The following KANK1 variants were observed in gnomAD, a reference collection of about 807,000 sequenced individuals.
KANK1 encodes KN motif and ankyrin repeat domain-containing protein 1.
Under a neutral mutation model 106.2 loss-of-function variants are expected in KANK1, and 109 were observed. The ratio of observed to expected loss-of-function variants is 1.03; its 90% CI spans 0.88 to 1.20. The LOEUF (loss-of-function observed/expected upper bound fraction) is 1.20, where lower values mean the gene tolerates loss of function less well. KANK1 is among the 50% of genes most tolerant of loss of function. The pLI, the probability that KANK1 is intolerant of heterozygous loss-of-function variation, is 0.00. For missense variants in KANK1, 2,399 were observed against 1,710.7 expected, an observed-to-expected ratio of 1.40 and a Z score of -7.10; for synonymous variants, 873 against 652.2, an observed-to-expected ratio of 1.34 and a Z score of -5.16.
intron 1 of KANK1, among the ~76,000 whole-genome samples, chr9:628,793 C>T (rs1194873115): frequency 1.3e-5 from 2 of 152,014 alleles, no homozygotes; most frequent in Admixed American, 1.3e-4. Flanking sequence ...AGTTTACCAT[C>T]TTGGGCCGGG....
At chr9:598,358 C>A (rs2135758720) in intron 1 of KANK1, among the ~76,000 whole-genome samples, 1 of 151,576 alleles carries the variant, frequency 6.6e-6, no homozygotes, top group African/African-American at 2.4e-5. Flanking sequence ...CTTTCAGCTT[C>A]ATACGAATTT....
At chr9:645,332 G>A (rs1012893067) in intron 1 of KANK1, among the ~76,000 whole-genome samples, 1 of 145,464 alleles carries the variant, frequency 6.9e-6, no homozygotes, top group East Asian at 2.1e-4. Context: ...CCCAGCTACT[G>A]AGAAGTCTGA....
chr9:744,630 C>G (rs750218516), intron 11 of KANK1, 41 bp downstream of exon 11: 1 of 1,613,982 alleles, frequency 6.2e-7, no homozygotes. Context: ...AGGCTGAAAT[C>G]CACCAGACTG....
At chr9:471,714 C>A (rs892679947) in intron 2 of KANK1, 2 of 152,344 alleles carry the variant, frequency 1.3e-5, no homozygotes, top group Non-Finnish European at 2.9e-5. Context: ...ACCTAGGCAA[C>A]ATAGCAAGAC....
intron 2 of KANK1, among the ~76,000 whole-genome samples, chr9:682,098 G>A (rs1817665471): frequency 6.6e-6 from 1 of 151,964 alleles, no homozygotes; most frequent in Non-Finnish European, 1.5e-5. Context: ...TGGCCAACAT[G>A]GTGAAAACCC....
chr9:690,287 C>T (rs1317364946), intron 2 of KANK1, among the ~76,000 whole-genome samples: 8 of 144,540 alleles, frequency 5.5e-5, no homozygotes, highest in Non-Finnish European at 1.0e-4. Flanking sequence ...GCCTGGGTGA[C>T]GGAGCGAGAC....
At chr9:732,816 C>T (rs1019848085) in intron 6 of KANK1, 199 bp downstream of exon 6, 7 of 491,408 alleles carry the variant, frequency 1.4e-5, no homozygotes, top group African/African-American at 1.1e-4. Context: ...TGGCCTGGTA[C>T]CTAATCACCC....
intron 1 of KANK1, among the ~76,000 whole-genome samples, chr9:600,242 G>C (rs1003445340): frequency 1.3e-5 from 2 of 151,438 alleles, no homozygotes; most frequent in African/African-American, 4.9e-5. Context: ...TTCTGTCTCT[G>C]TAATTTTGAC....
At chr9:532,468 A>C (rs554912763) in intron 1 of KANK1, among the ~76,000 whole-genome samples, 2 of 145,262 alleles carry the variant, frequency 1.4e-5, no homozygotes, top group African/African-American at 5.2e-5. Context: ...ATCACCATCC[A>C]TCTCCAGAAC....
intron 6 of KANK1, 75 bp from the exon 7 acceptor site, chr9:734,673 A>T (rs1325903253): frequency 1.7e-6 from 2 of 1,153,194 alleles, no homozygotes; most frequent in East Asian, 2.5e-5. Flanking sequence ...CTCAAAAAAA[A>T]AATTAGATAT....
intron 1 of KANK1, among the ~76,000 whole-genome samples, chr9:598,519 G>T (rs535380310): frequency 6.7e-6 from 1 of 149,756 alleles, no homozygotes; most frequent in South Asian, 2.1e-4. Flanking sequence ...ATTTATTTAG[G>T]TCTTATTCTT....
At chr9:728,782 T>C (rs932085160) in intron 3 of KANK1, among the ~76,000 whole-genome samples, 3 of 152,222 alleles carry the variant, frequency 2.0e-5, no homozygotes, top group Non-Finnish European at 4.4e-5. Context: ...CTCCTTTCTG[T>C]TGATTGCAGG....
At chr9:606,684 G>A (rs1193855926) in intron 1 of KANK1, among the ~76,000 whole-genome samples, 1 of 151,072 alleles carries the variant, frequency 6.6e-6, no homozygotes, top group Non-Finnish European at 1.5e-5. Flanking sequence ...CAGTATGTCA[G>A]TGCTTTCTTA....
intron 1 of KANK1, among the ~76,000 whole-genome samples, chr9:531,993 T>C (rs529982970): frequency 1.2e-4 from 18 of 152,326 alleles, no homozygotes; most frequent in Admixed American, 7.8e-4. Context: ...TTTCAACAAC[T>C]TGTTTTTTTC....
intron 2 of KANK1, among the ~76,000 whole-genome samples, chr9:694,470 C>T (rs142906811): frequency 1.3e-5 from 2 of 152,290 alleles, no homozygotes; most frequent in African/African-American, 4.8e-5. Flanking sequence ...TAAAATGAGA[C>T]AGTGGACATT....
intron 1 of KANK1, among the ~76,000 whole-genome samples, chr9:648,850 T>C (rs759013022): frequency 2.0e-5 from 3 of 152,188 alleles, no homozygotes; most frequent in African/African-American, 7.2e-5. Context: ...GGGAGACTCT[T>C]TATTCTGAAA....
chr9:694,021 T>C (rs1012976463), intron 2 of KANK1, among the ~76,000 whole-genome samples: 4 of 152,218 alleles, frequency 2.6e-5, no homozygotes, highest in Non-Finnish European at 5.9e-5. Flanking sequence ...ATATATATGC[T>C]AAGATTTGAG....
At chr9:596,465 G>T (rs1826234954) in intron 1 of KANK1, among the ~76,000 whole-genome samples, 1 of 151,792 alleles carries the variant, frequency 6.6e-6, no homozygotes, top group Admixed American at 6.5e-5. Context: ...AGCTGAACTA[G>T]GCTTTTGTTT....
At chr9:641,630 T>C (rs553119489) in intron 1 of KANK1, among the ~76,000 whole-genome samples, 1 of 152,306 alleles carries the variant, frequency 6.6e-6, no homozygotes, top group East Asian at 1.9e-4. Context: ...GTAGCCTGTG[T>C]CCTTTGTTGA....
Sources: allele counts gnomAD v4.1 joint callset (sites outside exome capture counted in the v4.1 genomes callset), GRCh38; gene constraint gnomAD v4.1.1; transcripts MANE v1.5; gene names NCBI Gene and HGNC (gene_info 2026-07-23, HGNC 2026-07-21).